The following TRPM3 variants were observed in gnomAD, a reference collection of about 807,000 sequenced individuals.
The protein encoded by TRPM3 is long transient receptor potential channel 3.
TRPM3 carries 77 observed loss-of-function variants against 181.2 expected under a neutral mutation model. That is an observed-to-expected ratio of 0.42 (90% CI 0.35 to 0.51). The LOEUF (loss-of-function observed/expected upper bound fraction) is 0.51. Ranked by LOEUF, TRPM3 falls within the 20% of genes least tolerant of loss-of-function variation. The pLI is 0.01. For synonymous variants in TRPM3, 745 were observed against 796.4 expected (o/e 0.94, Z 1.09); for missense variants, 1,759 against 2,196.7 (o/e 0.80, Z 3.98).
intron 1 of TRPM3, among the ~76,000 whole-genome samples, chr9:71,281,208 G>A (rs1315579087): frequency 6.6e-6 from 1 of 152,212 alleles, no homozygotes; most frequent in Non-Finnish European, 1.5e-5. Flanking sequence ...GTTTTTCAAG[G>A]TTAGCCTGTG....
chr9:70,592,981 C>T (rs1420416453), intron 21 of TRPM3, among the ~76,000 whole-genome samples: 2 of 152,136 alleles, frequency 1.3e-5, no homozygotes, highest in African/African-American at 4.8e-5. Context: ...CCACCCGCCT[C>T]GGCCTCCCAA....
At chr9:71,052,582 C>T (rs2060178158) in intron 1 of TRPM3, among the ~76,000 whole-genome samples, 1 of 152,156 alleles carries the variant, frequency 6.6e-6, no homozygotes, top group African/African-American at 2.4e-5. Flanking sequence ...ATCACTTACG[C>T]TTCTTGCAAA....
At chr9:71,154,565 A>C (rs936051673) in intron 1 of TRPM3, among the ~76,000 whole-genome samples, 1 of 152,106 alleles carries the variant, frequency 6.6e-6, no homozygotes, top group Non-Finnish European at 1.5e-5. Context: ...CTCCTTCAAA[A>C]TAATCTATCT....
At chr9:70,890,018 CATAT>C (rs1589563059) in intron 1 of TRPM3, among the ~76,000 whole-genome samples, 1 of 146,926 alleles carries the variant, frequency 6.8e-6, no homozygotes, top group African/African-American at 2.5e-5. Context: ...TTCTATATAG[CATAT>C]ATAAATATAT....
At chr9:71,027,232 A>G (rs1310272558) in intron 1 of TRPM3, among the ~76,000 whole-genome samples, 1 of 152,166 alleles carries the variant, frequency 6.6e-6, no homozygotes, top group East Asian at 1.9e-4. Flanking sequence ...CAAATCTTCC[A>G]GTAGTGAAGC....
At chr9:71,238,337 C>T (rs1165949374) in intron 1 of TRPM3, among the ~76,000 whole-genome samples, 1 of 152,122 alleles carries the variant, frequency 6.6e-6, no homozygotes, top group Non-Finnish European at 1.5e-5. Flanking sequence ...CTCTCTCTGC[C>T]TACTCCAAGT....
intron 1 of TRPM3, among the ~76,000 whole-genome samples, chr9:71,282,291 AAGAAAAAGAAAGAACG>A: frequency 8.9e-6 from 1 of 112,826 alleles, no homozygotes; most frequent in Middle Eastern, 3.8e-3. Context: ...AAAAGAAAGA[AAGAAAAAGAAAGAACG>A]AAAGAAAGAA....
intron 1 of TRPM3, among the ~76,000 whole-genome samples, chr9:71,407,794 C>A (rs771884821): frequency 6.6e-6 from 1 of 152,182 alleles, no homozygotes; most frequent in African/African-American, 2.4e-5. Flanking sequence ...CACTGACCCA[C>A]AAGTAGCCTG....
intron 1 of TRPM3, among the ~76,000 whole-genome samples, chr9:71,003,876 G>T (rs1253968477): frequency 1.3e-5 from 2 of 152,128 alleles, no homozygotes; most frequent in East Asian, 3.9e-4. Flanking sequence ...GACAGAAGCT[G>T]AAGCCAGTTA....
chr9:71,413,371 A>G (rs1346199633), intron 1 of TRPM3, among the ~76,000 whole-genome samples: 2 of 152,126 alleles, frequency 1.3e-5, no homozygotes, highest in South Asian at 4.1e-4. Flanking sequence ...AGTGTCTATT[A>G]TTCTTTTTAT....
At chr9:70,635,288 A>C (rs1203841589) in intron 11 of TRPM3, 27 bp from the exon 12 acceptor site, 1 of 1,610,340 alleles carries the variant, frequency 6.2e-7, no homozygotes, top group Admixed American at 1.7e-5. Context: ...AGAATCAAAC[A>C]GTTTTGCTAG....
At chr9:70,964,222 T>C (rs1481990693) in intron 1 of TRPM3, among the ~76,000 whole-genome samples, 1 of 152,136 alleles carries the variant, frequency 6.6e-6, no homozygotes, top group Non-Finnish European at 1.5e-5. Context: ...CTAAATTAGA[T>C]CATAAACTCC....
intron 3 of TRPM3, among the ~76,000 whole-genome samples, chr9:70,850,408 T>C (rs890447423): frequency 1.3e-5 from 2 of 152,058 alleles, no homozygotes; most frequent in South Asian, 4.1e-4. Context: ...ATATTTATAA[T>C]GAATGCTATA....
intron 9 of TRPM3, among the ~76,000 whole-genome samples, chr9:70,645,873 A>T (rs147435780): frequency 6.6e-6 from 1 of 152,234 alleles, no homozygotes; most frequent in Non-Finnish European, 1.5e-5. Context: ...AGGAACTTAA[A>T]CAAATTTACA....
At chr9:71,145,660 A>G (rs2075364508) in intron 1 of TRPM3, among the ~76,000 whole-genome samples, 1 of 152,124 alleles carries the variant, frequency 6.6e-6, no homozygotes, top group Non-Finnish European at 1.5e-5. Context: ...AGGAAAGTAT[A>G]CTACTTACTG....
chr9:71,051,482 C>T (rs965310650), intron 1 of TRPM3, among the ~76,000 whole-genome samples: 3 of 152,102 alleles, frequency 2.0e-5, no homozygotes, highest in Non-Finnish European at 2.9e-5. Flanking sequence ...ATGGAGCTGA[C>T]ACATGAGCAT....
chr9:71,236,065 G>C (rs990769838), intron 1 of TRPM3, among the ~76,000 whole-genome samples: 5 of 152,104 alleles, frequency 3.3e-5, no homozygotes, highest in African/African-American at 1.2e-4. Flanking sequence ...AATTTTCTAT[G>C]GTCTACCAAT....
intron 22 of TRPM3, among the ~76,000 whole-genome samples, chr9:70,563,505 G>T (rs868376766): frequency 7.0e-4 from 106 of 152,256 alleles, no homozygotes; most frequent in African/African-American, 2.4e-3. Flanking sequence ...CCCAATTCAG[G>T]CTACAGATGA....
intron 3 of TRPM3, among the ~76,000 whole-genome samples, chr9:70,849,336 G>A (rs924761186): frequency 1.7e-4 from 26 of 152,186 alleles, no homozygotes; most frequent in African/African-American, 5.5e-4. Flanking sequence ...TATTATAGAC[G>A]GGGTTTCTTC....
Sources: allele counts gnomAD v4.1 joint callset (sites outside exome capture counted in the v4.1 genomes callset), GRCh38; gene constraint gnomAD v4.1.1; transcripts MANE v1.5; gene names NCBI Gene and HGNC (gene_info 2026-07-23, HGNC 2026-07-21).